CACNA2D3: variants seen among roughly 807,000 people sequenced by gnomAD.
CACNA2D3 encodes voltage-dependent calcium channel subunit alpha-2/delta-3.
CACNA2D3 carries 60 observed loss-of-function variants against 160.6 expected under a neutral mutation model. The ratio of observed to expected loss-of-function variants is 0.37; its 90% CI spans 0.30 to 0.46. The LOEUF (loss-of-function observed/expected upper bound fraction) is 0.46, where lower values mean the gene tolerates loss of function less well. Among genes scored for constraint, CACNA2D3 ranks in the 20% least tolerant of loss-of-function variants. CACNA2D3 has a pLI of 1.00. For missense variants in CACNA2D3, 1,205 were observed against 1,365.0 expected (o/e 0.88, Z 1.85); for synonymous variants, 558 against 492.9 (o/e 1.13, Z -1.75).
intron 11 of CACNA2D3, among the ~76,000 whole-genome samples, chr3:54,645,825 A>G (rs2106853123): frequency 6.6e-6 from 1 of 152,190 alleles, no homozygotes; most frequent in South Asian, 2.1e-4. Flanking sequence ...TTTCATCTTC[A>G]TTCTTTGGTG....
At chr3:54,743,981 C>T (rs138441577) in intron 11 of CACNA2D3, among the ~76,000 whole-genome samples, 1 of 152,216 alleles carries the variant, frequency 6.6e-6, no homozygotes, top group Admixed American at 6.5e-5. Context: ...TTCTGTCTGT[C>T]TGTCCCTTCC....
chr3:54,491,053 T>TTC (rs144237909), intron 4 of CACNA2D3, among the ~76,000 whole-genome samples: 3 of 151,996 alleles, frequency 2.0e-5, no homozygotes, highest in East Asian at 1.9e-4. Context: ...ATATTCTATA[T>TTC]TCTCTCTCTC....
chr3:54,721,616 C>T (rs915169722), intron 11 of CACNA2D3, among the ~76,000 whole-genome samples: 4 of 151,890 alleles, frequency 2.6e-5, no homozygotes, highest in Non-Finnish European at 5.9e-5. Context: ...CAAAAATTAG[C>T]CAGGCGTGGT....
intron 10 of CACNA2D3, among the ~76,000 whole-genome samples, chr3:54,640,508 A>G (rs759945391): frequency 3.3e-5 from 5 of 152,160 alleles, no homozygotes; most frequent in Non-Finnish European, 7.4e-5. Flanking sequence ...TGGCAACCAT[A>G]TTCAGTCACT....
At chr3:55,018,396 T>A in intron 35 of CACNA2D3, 79 bp downstream of exon 35, 1 of 813,284 alleles carries the variant, frequency 1.2e-6, no homozygotes, top group African/African-American at 1.7e-5. Flanking sequence ...CTGTGTGACT[T>A]GCAGGCACAG....
chr3:54,548,351 A>G (rs368078268), intron 5 of CACNA2D3, among the ~76,000 whole-genome samples: 52 of 152,358 alleles, frequency 3.4e-4, no homozygotes, highest in East Asian at 9.6e-4. Context: ...CATGAAATAC[A>G]TAACTGCTAA....
chr3:54,358,832 G>A (rs1025282773), intron 3 of CACNA2D3, among the ~76,000 whole-genome samples: 6 of 152,192 alleles, frequency 3.9e-5, no homozygotes, highest in Admixed American at 6.5e-5. Flanking sequence ...GGAAAAGTCC[G>A]GGAAGCAAAT....
At chr3:54,365,453 T>C (rs949207172) in intron 3 of CACNA2D3, among the ~76,000 whole-genome samples, 1 of 152,230 alleles carries the variant, frequency 6.6e-6, no homozygotes, top group Non-Finnish European at 1.5e-5. Context: ...GGGGCACCAC[T>C]GGCTTTTTCC....
Position 54,721,558 on chromosome 3 carries a change from C to T in CACNA2D3, c.1168-31041C>T, listed in dbSNP as rs552462452. The stretch of plus-strand genomic sequence containing the variant: ...GGTGGATCACCTGAGGTCAGGAGTT[C>T]GAGACCAGCCTGGCCAACATGGTGA... On this transcript the variant is annotated intron_variant, in intron 11 of 37. Coordinates refer to ENST00000474759, the MANE Select transcript of CACNA2D3 (RefSeq NM_018398.3). Among the ~76,000 whole-genome samples the T allele has an allele frequency of 2.4e-3, 361 of 151,912 alleles. 1 individual carries two copies. Among genetic ancestry groups the T allele is most frequent in the Admixed American group, 6.7e-3 (102 of 15,234 alleles).
At chr3:54,449,967 A>C (rs1339151682) in intron 4 of CACNA2D3, among the ~76,000 whole-genome samples, 1 of 152,210 alleles carries the variant, frequency 6.6e-6, no homozygotes, top group Non-Finnish European at 1.5e-5. Context: ...GATATTTTTT[A>C]TATAAATGTA....
intron 27 of CACNA2D3, among the ~76,000 whole-genome samples, chr3:54,934,726 TG>T (rs1478219783): frequency 2.6e-5 from 4 of 152,164 alleles, no homozygotes; most frequent in Non-Finnish European, 5.9e-5. Context: ...TGTTTTGTTT[TG>T]TTTTTTTGTG....
intron 2 of CACNA2D3, among the ~76,000 whole-genome samples, chr3:54,295,500 G>A (rs1703320445): frequency 6.6e-6 from 1 of 152,220 alleles, no homozygotes; most frequent in South Asian, 2.1e-4. Flanking sequence ...TCAAATATAT[G>A]TAGGATGTAC....
chr3:54,467,121 C>T (rs748114456), intron 4 of CACNA2D3, among the ~76,000 whole-genome samples: 4 of 150,676 alleles, frequency 2.7e-5, no homozygotes, highest in African/African-American at 7.5e-5. Flanking sequence ...AATAGGGGTC[C>T]TGGCTGGCAA....
At chr3:55,049,967 T>C (rs1412814200) in intron 35 of CACNA2D3, among the ~76,000 whole-genome samples, 3 of 150,888 alleles carry the variant, frequency 2.0e-5, no homozygotes, top group Non-Finnish European at 4.4e-5. Context: ...TAGATCTTCG[T>C]CCATCCTTTT....
At chr3:54,569,496 C>T (rs1702460839) in intron 6 of CACNA2D3, among the ~76,000 whole-genome samples, 1 of 152,172 alleles carries the variant, frequency 6.6e-6, no homozygotes. Flanking sequence ...CTACCTTTAT[C>T]CCTAGCCAAG....
intron 11 of CACNA2D3, among the ~76,000 whole-genome samples, chr3:54,728,447 A>T (rs1701318672): frequency 6.6e-6 from 1 of 151,686 alleles, no homozygotes; most frequent in South Asian, 2.1e-4. Context: ...TTATCTTTTC[A>T]TCTGTTTCCT....
At chr3:54,379,691 C>T (rs750004468) in intron 3 of CACNA2D3, among the ~76,000 whole-genome samples, 3 of 152,162 alleles carry the variant, frequency 2.0e-5, no homozygotes, top group Non-Finnish European at 4.4e-5. Context: ...TTCTTACCTC[C>T]AAAACTTTGT....
intron 2 of CACNA2D3, among the ~76,000 whole-genome samples, chr3:54,286,848 A>C (rs62253201): frequency 0.12 from 18,293 of 152,016 alleles, 1,187 homozygotes; most frequent in East Asian, 0.23. Flanking sequence ...GTGAAGGAGA[A>C]ATAAAATACT....
intron 30 of CACNA2D3, among the ~76,000 whole-genome samples, chr3:54,986,020 T>C (rs992164402): frequency 2.6e-5 from 4 of 152,094 alleles, no homozygotes; most frequent in African/African-American, 9.7e-5. Flanking sequence ...TGGCCTATAG[T>C]TATATGCCCT....
Sources: gnomAD v4.1 joint callset for allele counts (sites outside exome capture counted in the v4.1 genomes callset) on GRCh38, gnomAD v4.1.1 for gene constraint, MANE v1.5 for transcripts, NCBI Gene and HGNC (gene_info 2026-07-23, HGNC 2026-07-21) for gene names.